The following NCKAP5 variants were observed in gnomAD, a reference collection of about 807,000 sequenced individuals.
NCKAP5 encodes NCK associated protein 5, also known as nck-associated protein 5.
Under a neutral mutation model 167.0 loss-of-function variants are expected in NCKAP5, and 92 were observed. The ratio of observed to expected loss-of-function variants is 0.55; its 90% CI spans 0.47 to 0.66. NCKAP5 has a LOEUF of 0.66. Among genes scored for constraint, NCKAP5 ranks in the 30% least tolerant of loss-of-function variants. The pLI, the probability that NCKAP5 is intolerant of heterozygous loss-of-function variation, is 0.00. For missense variants in NCKAP5, 2,378 were observed against 2,315.0 expected (o/e 1.03, Z -0.56); for synonymous variants, 891 against 877.4 (o/e 1.02, Z -0.27).
intron 3 of NCKAP5, among the ~76,000 whole-genome samples, chr2:133,324,626 A>G (rs978031066): frequency 3.9e-5 from 6 of 152,242 alleles, no homozygotes; most frequent in Admixed American, 6.5e-5. Flanking sequence ...TCAGCGAAAT[A>G]AAAGTTTGTT....
chr2:133,326,749 T>A (rs1340344625), intron 3 of NCKAP5, among the ~76,000 whole-genome samples: 3 of 152,176 alleles, frequency 2.0e-5, no homozygotes, highest in Non-Finnish European at 4.4e-5. Flanking sequence ...AGAGCAGGAT[T>A]TAATGATGAC....
chr2:133,196,872 C>A (rs1461083246), intron 5 of NCKAP5, among the ~76,000 whole-genome samples: 1 of 152,100 alleles, frequency 6.6e-6, no homozygotes. Context: ...AAAATCTGCA[C>A]TGATGGTGGC....
intron 5 of NCKAP5, among the ~76,000 whole-genome samples, chr2:133,153,418 C>T (rs1317363362): frequency 3.3e-5 from 5 of 151,910 alleles, no homozygotes; most frequent in Admixed American, 3.3e-4. Flanking sequence ...ATGAGAACTC[C>T]CTATACTTTC....
At chr2:133,232,011 G>C (rs960222091) in intron 4 of NCKAP5, among the ~76,000 whole-genome samples, 1 of 152,200 alleles carries the variant, frequency 6.6e-6, no homozygotes, top group Non-Finnish European at 1.5e-5. Context: ...AGTGTATAAT[G>C]ATAAAACTCA....
intron 4 of NCKAP5, among the ~76,000 whole-genome samples, chr2:133,271,112 T>C (rs914837366): frequency 6.6e-6 from 1 of 150,908 alleles, no homozygotes; most frequent in African/African-American, 2.4e-5. Flanking sequence ...TTTCCTATTT[T>C]TAGTAGAGAC....
At chr2:133,070,741 G>A (rs872804) in intron 6 of NCKAP5, among the ~76,000 whole-genome samples, 7,863 of 152,226 alleles carry the variant, frequency 0.052, 366 homozygotes, top group African/African-American at 0.13. Context: ...CTATACAGGT[G>A]TGTGAGTGTG....
intron 8 of NCKAP5, among the ~76,000 whole-genome samples, chr2:132,953,472 T>C (rs1254574465): frequency 6.6e-6 from 1 of 152,150 alleles, no homozygotes; most frequent in East Asian, 1.9e-4. Context: ...TTTATTACCT[T>C]AATTAATTAG....
chr2:133,626,318 T>C, the NCKAP5 span, among the ~76,000 whole-genome samples: 1 of 152,144 alleles, frequency 6.6e-6, no homozygotes, highest in Non-Finnish European at 1.5e-5. Context: ...CTGATGAAGC[T>C]TCTACATCTA....
At chr2:133,624,465 G>C in the NCKAP5 span, among the ~76,000 whole-genome samples, 12 of 151,998 alleles carry the variant, frequency 7.9e-5, no homozygotes, top group South Asian at 2.3e-3. Context: ...TGAGCTGCAG[G>C]CTCTTAGAGT....
chr2:133,473,487 TGAG>T (rs887621270), intron 3 of NCKAP5, among the ~76,000 whole-genome samples: 3 of 152,168 alleles, frequency 2.0e-5, no homozygotes, highest in African/African-American at 7.2e-5. Context: ...CATGGGGTTG[TGAG>T]GAGATGGACA....
At chr2:133,544,868 G>A (rs897640987) in intron 2 of NCKAP5, among the ~76,000 whole-genome samples, 2 of 152,156 alleles carry the variant, frequency 1.3e-5, no homozygotes, top group Non-Finnish European at 2.9e-5. Flanking sequence ...GTAACTATCA[G>A]CCTTCAGAAT....
chr2:133,155,968 C>A (rs1559202204), intron 5 of NCKAP5, among the ~76,000 whole-genome samples: 1 of 152,232 alleles, frequency 6.6e-6, no homozygotes, highest in Non-Finnish European at 1.5e-5. Context: ...ATAAAGAATT[C>A]ATCCCTCCAG....
chr2:133,522,596 T>C (rs1217487215), intron 2 of NCKAP5, among the ~76,000 whole-genome samples: 2 of 152,240 alleles, frequency 1.3e-5, no homozygotes, highest in Admixed American at 1.3e-4. Context: ...GAAGAACATT[T>C]GTTGCTTGCA....
chr2:133,130,058 G>T lies in NCKAP5; in HGVS notation c.261C>A (p.Ser87Arg). The T allele has an allele frequency of 2.5e-6, 4 of 1,611,834 alleles. No homozygotes were observed. The highest frequency in any genetic ancestry group is 3.4e-6 in the Non-Finnish European group (4 of 1,179,134). ...GGGTCACCTCCTGCAACCGCTTCTCGCTTTGAAGACGTAAGTGTCTCTCCT... is the reference window on the plus strand; with the variant it reads ...GGGTCACCTCCTGCAACCGCTTCTCTCTTTGAAGACGTAAGTGTCTCTCCT... Reference protein sequence around the residue: ...LEEERHLRLQSEKRLQEVTLE... With the variant: ...LEEERHLRLQREKRLQEVTLE... Residue 87 changes from serine (S) to arginine (R), a missense_variant, in exon 6 of 20, where the codon AGC becomes AGA. By Grantham distance (110) the Ser-to-Arg change is moderately radical. Transcript: ENST00000409261.
intron 8 of NCKAP5, among the ~76,000 whole-genome samples, chr2:132,888,298 A>G (rs1489831250): frequency 1.3e-5 from 2 of 152,238 alleles, no homozygotes; most frequent in Non-Finnish European, 2.9e-5. Flanking sequence ...TAAAAATATT[A>G]TAGACAAATG....
chr2:132,705,692 C>CA (rs1258509619), intron 19 of NCKAP5, among the ~76,000 whole-genome samples: 1 of 152,006 alleles, frequency 6.6e-6, no homozygotes, highest in African/African-American at 2.4e-5. Flanking sequence ...TAATGAAAAA[C>CA]AAAAAAAGGA....
At chr2:132,869,508 G>T (rs923605176) in intron 9 of NCKAP5, among the ~76,000 whole-genome samples, 8 of 152,110 alleles carry the variant, frequency 5.3e-5, no homozygotes, top group African/African-American at 1.4e-4. Context: ...CGCTCTTGTT[G>T]TTGCTACCTG....
chr2:132,964,208 C>A (rs2076596757), intron 7 of NCKAP5, among the ~76,000 whole-genome samples: 1 of 152,310 alleles, frequency 6.6e-6, no homozygotes, highest in East Asian at 1.9e-4. Context: ...TGGAAAAATA[C>A]ATCAATTTTG....
chr2:133,626,565 A>G, the NCKAP5 span, among the ~76,000 whole-genome samples: 1 of 152,156 alleles, frequency 6.6e-6, no homozygotes, highest in African/African-American at 2.4e-5. Flanking sequence ...CATTCAAAGT[A>G]TAAAGATATT....
Sources: allele counts gnomAD v4.1 joint callset (sites outside exome capture counted in the v4.1 genomes callset), GRCh38; gene constraint gnomAD v4.1.1; transcripts MANE v1.5; gene names NCBI Gene and HGNC (gene_info 2026-07-23, HGNC 2026-07-21).